The following C2CD2 variants were observed in gnomAD, a reference collection of about 807,000 sequenced individuals.
C2CD2 encodes C2 domain-containing protein 2.
A neutral mutation model predicts 74.3 loss-of-function variants in C2CD2; 43 were observed. That is an observed-to-expected ratio of 0.58 (90% CI 0.45 to 0.75). C2CD2 has a LOEUF of 0.75. Ranked by LOEUF, C2CD2 falls within the 30% of genes least tolerant of loss-of-function variation. The pLI is 0.00. For missense variants in C2CD2, 801 were observed against 916.3 expected (o/e 0.87, Z 1.63); for synonymous variants, 422 against 390.7 (o/e 1.08, Z -0.94).
Position 41,953,804 on chromosome 21 carries a change from T to G in C2CD2, c.-156A>C, listed in dbSNP as rs1402920128. 5.0e-6 allele frequency: 3 copies of G among 603,740 alleles called. No individual in the cohort carries two copies. Among genetic ancestry groups the G allele is most frequent in the Non-Finnish European group, 7.0e-6 (3 of 429,154 alleles). The allele number at this position is 603,740 out of a possible 1,614,324, so 37.4% of individuals were successfully genotyped here. A position where few individuals can be genotyped will look rare whatever the true frequency, so the allele number is the denominator to read the frequency against. ...GGCGAGGAGCGTGGCCGGGGGCCTC[T>G]GGGCGGGCAAGCGGGGAGGAAACGC... On this transcript the variant is annotated 5_prime_UTR_variant, in exon 1 of 14. Coordinates refer to ENST00000380486, the MANE Select transcript of C2CD2 (RefSeq NM_015500.2).
chr21:41,924,744 C>T lies in C2CD2; in HGVS notation c.379-2659G>A, dbSNP rs2065190843. Among the ~76,000 whole-genome samples the T allele has an allele frequency of 6.6e-6, 1 of 152,082 alleles. No homozygotes were observed. The highest frequency in any genetic ancestry group is 2.1e-4 in the South Asian group (1 of 4,814). On this transcript the variant is annotated intron_variant, in intron 2 of 13. Coordinates refer to ENST00000380486, the MANE Select transcript of C2CD2 (RefSeq NM_015500.2). The surrounding 1 kb of genome is among the most constrained non-coding windows in gnomAD (Gnocchi z 4.4). Reference sequence around the variant, plus strand: ...TTAAAAACCCAACCCTGACTCTGAGCACTGCATAATTCCTCTGGAGCCTTC... The same window carrying T: ...TTAAAAACCCAACCCTGACTCTGAGTACTGCATAATTCCTCTGGAGCCTTC...
chr21:41,941,923 G>C (rs141461997), intron 2 of C2CD2, among the ~76,000 whole-genome samples: 1 of 152,308 alleles, frequency 6.6e-6, no homozygotes, highest in African/African-American at 2.4e-5. Context: ...ATCCGCACCG[G>C]AGCGAGTGTC....
At chr21:41,941,874 G>A (rs2065356828) in intron 2 of C2CD2, among the ~76,000 whole-genome samples, 1 of 152,158 alleles carries the variant, frequency 6.6e-6, no homozygotes, top group South Asian at 2.1e-4. Flanking sequence ...AGGTTTTTGT[G>A]TCCAGCTTTT....
intron 7 of C2CD2, among the ~76,000 whole-genome samples, chr21:41,910,500 C>T (rs1282982361): frequency 6.6e-6 from 1 of 152,182 alleles, no homozygotes; most frequent in Non-Finnish European, 1.5e-5. Context: ...CTCTCTTATT[C>T]TTTACCAAGC....
At chr21:41,915,649 A>G (rs921375987) in intron 5 of C2CD2, among the ~76,000 whole-genome samples, 9 of 152,166 alleles carry the variant, frequency 5.9e-5, no homozygotes, top group Admixed American at 2.6e-4. Flanking sequence ...CATGTTGGCC[A>G]GGCTGGTCTC....
intron 2 of C2CD2, among the ~76,000 whole-genome samples, chr21:41,941,390 G>A (rs186143079): frequency 1.3e-5 from 2 of 152,074 alleles, no homozygotes; most frequent in South Asian, 4.1e-4. Flanking sequence ...AAAAGAGAGA[G>A]AGAAAATGTC....
chr21:41,952,307 T>C (rs983446924), intron 1 of C2CD2, among the ~76,000 whole-genome samples: 5 of 152,240 alleles, frequency 3.3e-5, no homozygotes, highest in African/African-American at 1.2e-4. Flanking sequence ...TGTTTTTTAA[T>C]TCCATGGCCA....
chr21:41,947,219 G>A (rs377147023), intron 1 of C2CD2, among the ~76,000 whole-genome samples: 10 of 141,764 alleles, frequency 7.1e-5, no homozygotes, highest in African/African-American at 1.6e-4. Context: ...GTGCAATGGC[G>A]CGATCTCGGC....
chr21:41,951,850 G>A (rs554548216), intron 1 of C2CD2, among the ~76,000 whole-genome samples: 1 of 152,264 alleles, frequency 6.6e-6, no homozygotes, highest in Non-Finnish European at 1.5e-5. Context: ...AGGAGGTAGG[G>A]TCACTGCCTC....
At chr21:41,908,336 T>C (rs1301199240) in intron 8 of C2CD2, 1 of 155,002 alleles carries the variant, frequency 6.5e-6, no homozygotes, top group Non-Finnish European at 1.4e-5. Flanking sequence ...TGGGCAAATG[T>C]TAAGGATACG....
rs2065263349 is a variant in C2CD2, at chr21:41,931,763, C to A, written c.379-9678G>T. 1.3e-5 allele frequency among the ~76,000 whole-genome samples: 2 copies of A among 150,018 alleles called. 1 individual carries two copies. Among genetic ancestry groups the A allele is most frequent in the Non-Finnish European group, 3.0e-5 (2 of 66,870 alleles). ...TGACAAAAGGGCTGTTGGGGGGGAC[C>A]CCAGATAGCACCAGGATGGGGGCTG... On this transcript the variant is annotated intron_variant, in intron 2 of 13. Coordinates refer to ENST00000380486, the MANE Select transcript of C2CD2 (RefSeq NM_015500.2).
At chr21:41,931,491 C>G (rs1275098919) in intron 2 of C2CD2, among the ~76,000 whole-genome samples, 1 of 145,382 alleles carries the variant, frequency 6.9e-6, no homozygotes, top group Non-Finnish European at 1.5e-5. Flanking sequence ...GGCGCAATCT[C>G]GGCTCACTGC....
At chr21:41,916,652 G>C (rs2065094585) in intron 5 of C2CD2, among the ~76,000 whole-genome samples, 3 of 134,856 alleles carry the variant, frequency 2.2e-5, no homozygotes, top group Admixed American at 8.0e-5. Flanking sequence ...CTTCATAACT[G>C]TGTGAGCTGA....
chr21:41,908,243 T>TTG (rs10528071), intron 8 of C2CD2: 5,131 of 168,928 alleles, frequency 0.03, 329 homozygotes, highest in African/African-American at 0.12. Flanking sequence ...TACCCTCAAG[T>TTG]TGTGTGTGTG....
chr21:41,898,942 G>C (rs1359872519), intron 13 of C2CD2, 111 bp downstream of exon 13: 2 of 809,964 alleles, frequency 2.5e-6, no homozygotes, highest in Non-Finnish European at 4.1e-6. Flanking sequence ...GGCTGGGAGG[G>C]AGTTTGTAGG....
rs376621370 is a variant in C2CD2, at chr21:41,907,084, G to A, written c.1226C>T (p.Thr409Met). 5.6e-6 allele frequency: 9 copies of A among 1,613,518 alleles called. No homozygotes were observed. Among genetic ancestry groups the A allele is most frequent in the East Asian group, 2.2e-5 (1 of 44,886 alleles). ...GACCACAGTCCCACAGGGCATCACC[G>A]TGCGGTCCTTTTCTATTTTTGCAGC... ...VPAAKIEKDR[T>M]VMPCGTVVTT... Residue 409 changes from threonine (T) to methionine (M), a missense_variant, in exon 10 of 14, where the codon ACG becomes ATG. Physicochemically the swap from Thr to Met is moderately conservative, Grantham distance 81. Coordinates refer to ENST00000380486, the MANE Select transcript of C2CD2 (RefSeq NM_015500.2).
At chr21:41,907,550 G>T (rs2064977345) in intron 9 of C2CD2, 110 bp downstream of exon 9, 2 of 1,186,282 alleles carry the variant, frequency 1.7e-6, no homozygotes, top group Non-Finnish European at 2.4e-6. Context: ...CTTGGAGGAG[G>T]TCTTATTTCA....
chr21:41,942,367 T>C lies in C2CD2; in HGVS notation c.280-122A>G, dbSNP rs1036055020. 18 of 745,524 alleles carry C rather than the reference T, an allele frequency of 2.4e-5. No individual in the cohort carries two copies. In the African/African-American group the frequency reaches 2.5e-4, roughly 10 times the overall value. The allele number at this position is 745,524 out of a possible 1,614,324, so 46.2% of individuals were successfully genotyped here. A position where few individuals can be genotyped will look rare whatever the true frequency, so the allele number is the denominator to read the frequency against. On this transcript the variant is annotated intron_variant, in intron 1 of 13. Coordinates refer to ENST00000380486, the MANE Select transcript of C2CD2 (RefSeq NM_015500.2). ...TACTAACACATCTTTCTGTGAACTC[T>C]GTGCTTCTAATAGCAGCAATGGCTA...
intron 12 of C2CD2, 64 bp downstream of exon 12, chr21:41,901,558 C>T: frequency 9.5e-6 from 15 of 1,570,808 alleles, no homozygotes; most frequent in Non-Finnish European, 1.2e-5. Context: ...CTTCAAAGGG[C>T]AGAGGAGCAG....
Sources: allele counts gnomAD v4.1 joint callset (sites outside exome capture counted in the v4.1 genomes callset), GRCh38; gene constraint gnomAD v4.1.1; non-coding constraint Gnocchi (gnomAD v3.1); transcripts MANE v1.5; gene names NCBI Gene and HGNC (gene_info 2026-07-23, HGNC 2026-07-21).